The following ARMC9 variants were observed in gnomAD, a reference collection of about 807,000 sequenced individuals.
ARMC9 encodes the protein lisH domain-containing protein ARMC9.
Under a neutral mutation model 107.0 loss-of-function variants are expected in ARMC9, and 94 were observed. The observed-to-expected ratio is 0.88, with a 90% confidence interval of 0.74 to 1.04. The LOEUF (loss-of-function observed/expected upper bound fraction) is 1.04, where lower values mean the gene tolerates loss of function less well. Ranked by LOEUF, ARMC9 falls within the 50% of genes least tolerant of loss-of-function variation. The probability of loss-of-function intolerance (pLI) is 0.00; values close to 1 mark genes in which losing one functional copy is unlikely to be tolerated. For synonymous variants in ARMC9, 380 were observed against 396.9 expected (o/e 0.96, Z 0.51); for missense variants, 942 against 1,030.1 (o/e 0.91, Z 1.17).
In ARMC9 at chr2:231,202,661, C is replaced by T. The variant is rs367598295; in HGVS notation, c.-41-3537C>T. On this transcript the variant is annotated intron_variant, in intron 1 of 24. Coordinates refer to ENST00000611582, the MANE Select transcript of ARMC9 (RefSeq NM_001352754.2). ...TCACTAAATCTGTGTCTTTGCTCAG[C>T]ACCCATATTCTCTGCTATCCCTCTG... Among the ~76,000 whole-genome samples, 35 of 152,128 alleles carry T rather than the reference C, an allele frequency of 2.3e-4. No homozygotes were observed. The East Asian group carries it at 3.9e-3, about 17-fold the overall frequency.
chr2:231,303,746 T>G (rs1261118389), intron 19 of ARMC9, among the ~76,000 whole-genome samples: 1 of 152,184 alleles, frequency 6.6e-6, no homozygotes, highest in Non-Finnish European at 1.5e-5. Flanking sequence ...AAGACCAGCC[T>G]GGCCAACATG....
Position 231,328,814 on chromosome 2 carries a change from C to CTTT in ARMC9, c.1774-2977_1774-2975dup, listed in dbSNP as rs1341987081. On this transcript the variant is annotated intron_variant, in intron 19 of 24. Coordinates refer to ENST00000611582, the MANE Select transcript of ARMC9 (RefSeq NM_001352754.2). ...AGCGTGTTCAATTTTCTTTTCTTTT[C>CTTT]TTTTCTTTTTTTTTTTTTGAGTCGG... is the stretch of plus-strand genomic sequence containing the variant. 1.6e-3 allele frequency among the ~76,000 whole-genome samples: 207 copies of CTTT among 127,234 alleles called. 14 individuals carry two copies. The highest frequency in any genetic ancestry group is 9.4e-3 in the Middle Eastern group (2 of 212). 83.5% of individuals were successfully genotyped at this position (127,234 alleles called of 152,430 possible).
chr2:231,212,662 G>A (rs1179184692), intron 3 of ARMC9, among the ~76,000 whole-genome samples: 1 of 152,212 alleles, frequency 6.6e-6, no homozygotes, highest in African/African-American at 2.4e-5. Context: ...CCACAGCACT[G>A]CCCCTGGGAG....
Position 231,362,065 on chromosome 2 carries a change from G to C in ARMC9, c.2261+1182G>C, listed in dbSNP as rs541327008. On this transcript the variant is annotated intron_variant, in intron 23 of 24. Transcript: ENST00000611582. This position sits in a 1 kb window ranked among gnomAD's most constrained non-coding sequence, Gnocchi z 4.7. The stretch of plus-strand genomic sequence containing the variant: ...AGTCCCAGCTATCTTTAAGAAGCAC[G>C]GGGTCAAAGGTGGCTGCATTACTGG... Among the ~76,000 whole-genome samples the C allele has an allele frequency of 8.6e-6, 1 of 116,722 alleles. No homozygotes were observed. The highest frequency in any genetic ancestry group is 1.6e-5 in the Non-Finnish European group (1 of 61,572). The allele number at this position is 116,722 out of a possible 152,430, so 76.6% of individuals were successfully genotyped here. A position where few individuals can be genotyped will look rare whatever the true frequency, so the allele number is the denominator to read the frequency against.
intron 20 of ARMC9, among the ~76,000 whole-genome samples, 183 bp from the exon 21 acceptor site, chr2:231,344,792 C>CA (rs907691967): frequency 1.3e-5 from 2 of 151,718 alleles, no homozygotes; most frequent in East Asian, 1.9e-4. Flanking sequence ...AAACCGTTAG[C>CA]AAAAAAAGGG....
intron 8 of ARMC9, among the ~76,000 whole-genome samples, chr2:231,235,843 T>C (rs970426947): frequency 6.6e-6 from 1 of 152,254 alleles, no homozygotes; most frequent in African/African-American, 2.4e-5. Flanking sequence ...GGTTTCTCCA[T>C]GTTGGTCAGG....
At chr2:231,218,808 A>G (rs927086326) in intron 5 of ARMC9, among the ~76,000 whole-genome samples, 1 of 151,618 alleles carries the variant, frequency 6.6e-6, no homozygotes, top group African/African-American at 2.4e-5. Flanking sequence ...CTGGAGTGCA[A>G]TGGCTCAATC....
chr2:231,349,580 G>A (rs1048104047), intron 21 of ARMC9, among the ~76,000 whole-genome samples: 1 of 152,032 alleles, frequency 6.6e-6, no homozygotes, highest in African/African-American at 2.4e-5. Flanking sequence ...TCAGGAGTTC[G>A]AGACCAACCT....
At chr2:231,260,278 A>T (rs1212354625) in intron 11 of ARMC9, among the ~76,000 whole-genome samples, 1 of 152,132 alleles carries the variant, frequency 6.6e-6, no homozygotes, top group African/African-American at 2.4e-5. Context: ...GCATTGTCAC[A>T]TCTTAGTATT....
intron 19 of ARMC9, among the ~76,000 whole-genome samples, chr2:231,315,303 C>T (rs1296965291): frequency 2.0e-5 from 3 of 150,584 alleles, no homozygotes; most frequent in African/African-American, 7.4e-5. Context: ...CTTTGGGAGG[C>T]CAAGGTGGGC....
At chr2:231,328,386 GA>G (rs2043476134) in intron 19 of ARMC9, among the ~76,000 whole-genome samples, 2 of 152,014 alleles carry the variant, frequency 1.3e-5, no homozygotes, top group African/African-American at 2.4e-5. Flanking sequence ...TCTTTTCACC[GA>G]ACAAGTTTTT....
At chr2:231,232,410 AT>A (rs2035316951) in intron 7 of ARMC9, among the ~76,000 whole-genome samples, 1 of 151,620 alleles carries the variant, frequency 6.6e-6, no homozygotes. Context: ...TTTCAGGGCC[AT>A]TCTCAGGGGA....
intron 9 of ARMC9, among the ~76,000 whole-genome samples, chr2:231,254,585 G>A (rs1157530205): frequency 6.6e-6 from 1 of 151,666 alleles, no homozygotes; most frequent in African/African-American, 2.4e-5. Context: ...TCTGGAGGCT[G>A]AGGCAGGAGG....
intron 8 of ARMC9, among the ~76,000 whole-genome samples, chr2:231,236,398 G>A (rs1208724148): frequency 6.6e-6 from 1 of 152,088 alleles, no homozygotes; most frequent in East Asian, 1.9e-4. Flanking sequence ...GTCATCATGG[G>A]CATCTTTATC....
At chr2:231,209,853 A>T (rs1010122278) in intron 3 of ARMC9, among the ~76,000 whole-genome samples, 2 of 151,928 alleles carry the variant, frequency 1.3e-5, no homozygotes, top group Non-Finnish European at 2.9e-5. Context: ...TTTTATAATT[A>T]AAAAAAATTA....
intron 12 of ARMC9, among the ~76,000 whole-genome samples, 164 bp downstream of exon 12, chr2:231,262,562 A>G (rs1368497541): frequency 6.6e-6 from 1 of 152,148 alleles, no homozygotes; most frequent in Non-Finnish European, 1.5e-5. Context: ...TTTTGCTTCT[A>G]GTGAAGAGTT....
chr2:231,312,610 T>A (rs1048787339), intron 19 of ARMC9, among the ~76,000 whole-genome samples: 4 of 152,140 alleles, frequency 2.6e-5, no homozygotes, highest in Non-Finnish European at 4.4e-5. Flanking sequence ...TTTTTTTTTT[T>A]TTTTTGCAAA....
chr2:231,253,402 A>G (rs1414158697), intron 9 of ARMC9, among the ~76,000 whole-genome samples: 2 of 152,166 alleles, frequency 1.3e-5, no homozygotes, highest in Non-Finnish European at 1.5e-5. Flanking sequence ...GGCCGGGGCC[A>G]CTGTGCCTGG....
chr2:231,344,928 C>T (rs1446196691), intron 20 of ARMC9, 47 bp from the exon 21 acceptor site: 2 of 1,594,690 alleles, frequency 1.3e-6, no homozygotes, highest in Non-Finnish European at 8.6e-7. Flanking sequence ...TAGGTCAGCT[C>T]TCTAATAGAT....
Sources: gnomAD v4.1 joint callset for allele counts (sites outside exome capture counted in the v4.1 genomes callset) on GRCh38, gnomAD v4.1.1 for gene constraint, Gnocchi (gnomAD v3.1) non-coding constraint, MANE v1.5 for transcripts, NCBI Gene and HGNC (gene_info 2026-07-23, HGNC 2026-07-21) for gene names.